Variants in FSTL4 observed in about 807,000 individuals in gnomAD.
FSTL4 encodes follistatin-related protein 4.
In FSTL4, 28 loss-of-function variants were observed where a neutral mutation model predicts 78.2. That is an observed-to-expected ratio of 0.36 (90% confidence interval 0.27 to 0.49). The LOEUF is 0.49. Ranked by LOEUF, FSTL4 falls within the 20% of genes least tolerant of loss-of-function variation. The pLI is 0.98. For missense variants in FSTL4, 922 were observed against 1,084.9 expected (o/e 0.85, Z 2.11); for synonymous variants, 422 against 440.5 (o/e 0.96, Z 0.53).
the FSTL4 span, among the ~76,000 whole-genome samples, chr5:133,686,907 G>A: frequency 3.3e-5 from 5 of 152,330 alleles, no homozygotes; most frequent in South Asian, 2.1e-4. Flanking sequence ...GGAGCAGCCA[G>A]GCATGGAAGA....
At chr5:133,285,927 C>A (rs957774878) in intron 6 of FSTL4, among the ~76,000 whole-genome samples, 1 of 152,224 alleles carries the variant, frequency 6.6e-6, no homozygotes, top group African/African-American at 2.4e-5. Context: ...GCCCAGAGCA[C>A]GAAGTCCTAG....
chr5:133,420,370 G>A (rs948185358), intron 3 of FSTL4, among the ~76,000 whole-genome samples: 17 of 152,294 alleles, frequency 1.1e-4, no homozygotes, highest in African/African-American at 4.1e-4. Context: ...TTAATTGTAT[G>A]TAAATTATAC....
the FSTL4 span, among the ~76,000 whole-genome samples, chr5:133,774,900 C>T: frequency 0.2 from 29,692 of 151,970 alleles, 3,208 homozygotes; most frequent in East Asian, 0.41. Flanking sequence ...AAATCTTGCA[C>T]AAATTCAAAG....
chr5:133,788,226 G>A, the FSTL4 span, among the ~76,000 whole-genome samples: 2 of 152,144 alleles, frequency 1.3e-5, no homozygotes, highest in Non-Finnish European at 2.9e-5. Context: ...TCCAAGCCTG[G>A]GAAGTGCTGC....
At chr5:133,394,001 T>TGCTGA (rs1310372311) in intron 4 of FSTL4, among the ~76,000 whole-genome samples, 10 of 152,198 alleles carry the variant, frequency 6.6e-5, no homozygotes, top group African/African-American at 1.9e-4. Context: ...GGACATGCCT[T>TGCTGA]GCTGAGCCCT....
chr5:133,539,046 T>A (rs1297750463), intron 3 of FSTL4, among the ~76,000 whole-genome samples: 3 of 152,160 alleles, frequency 2.0e-5, no homozygotes, highest in Admixed American at 2.0e-4. Flanking sequence ...CCGTGAGCAA[T>A]CTAGCCGGCA....
the FSTL4 span, among the ~76,000 whole-genome samples, chr5:133,819,030 C>G: frequency 6.9e-6 from 1 of 145,180 alleles, no homozygotes; most frequent in African/African-American, 2.6e-5. Flanking sequence ...GAGATCTGCC[C>G]AGCCGTCCAC....
chr5:133,335,526 G>C (rs1754444728), intron 4 of FSTL4, among the ~76,000 whole-genome samples: 1 of 151,896 alleles, frequency 6.6e-6, no homozygotes, highest in African/African-American at 2.4e-5. Flanking sequence ...GCCACCCCCG[G>C]ACAGGCCCAG....
chr5:133,688,430 G>A, the FSTL4 span, among the ~76,000 whole-genome samples: 8 of 152,254 alleles, frequency 5.3e-5, no homozygotes, highest in South Asian at 1.7e-3. Flanking sequence ...ACAAAAGCAA[G>A]CAACAACAAC....
chr5:133,516,358 A>G (rs1001588380), intron 3 of FSTL4, among the ~76,000 whole-genome samples: 1 of 152,234 alleles, frequency 6.6e-6, no homozygotes, highest in African/African-American at 2.4e-5. Context: ...CACTGTTTAC[A>G]ATATAAATTA....
chr5:133,532,461 G>A (rs1759274700), intron 3 of FSTL4, among the ~76,000 whole-genome samples: 1 of 152,110 alleles, frequency 6.6e-6, no homozygotes, highest in South Asian at 2.1e-4. Context: ...GGTTGTGTAG[G>A]CACACGGCAA....
Position 133,532,610 on chromosome 5 carries a change from G to T in FSTL4, c.160+34576C>A, listed in dbSNP as rs546345613. Among the ~76,000 whole-genome samples the T allele has an allele frequency of 1.4e-4, 22 of 152,172 alleles. No individual in the cohort carries two copies. The South Asian group carries it at 4.6e-3, about 32-fold the overall frequency. Reference sequence around the variant, plus strand: ...TGAGCCACTCATAAACAGGACTCTGGGCGTCAGAACCAGGCCTTATCTACC... The same window carrying T: ...TGAGCCACTCATAAACAGGACTCTGTGCGTCAGAACCAGGCCTTATCTACC... On this transcript the variant is annotated intron_variant, in intron 3 of 15. Transcript: ENST00000265342.
the FSTL4 span, among the ~76,000 whole-genome samples, chr5:133,781,366 T>C: frequency 2.1e-3 from 1 of 466 alleles, no homozygotes; most frequent in Non-Finnish European, 4.2e-3. Context: ...GTTAAGCGGT[T>C]GTGTGTGTGT....
chr5:133,642,156 G>A, the FSTL4 span, among the ~76,000 whole-genome samples: 1 of 152,278 alleles, frequency 6.6e-6, no homozygotes, highest in Admixed American at 6.5e-5. Flanking sequence ...GAGGAAATGG[G>A]ATCAGAGAGG....
Position 133,400,918 on chromosome 5 carries a change from C to T in FSTL4, c.229G>A (p.Val77Met), listed in dbSNP as rs371473849. 9.2e-5 allele frequency: 148 copies of T among 1,613,538 alleles called. No individual in the cohort carries two copies. Among genetic ancestry groups the T allele is most frequent in the Non-Finnish European group, 1.2e-4 (144 of 1,180,014 alleles). The change falls in exon 4 of 16, where the codon GTG becomes ATG. Residue 77 changes from valine to methionine, a missense_variant. Transcript: ENST00000265342. ...GGCTCCCCTGTCTTCCTGCTGAGCA[C>T]GCACCGGCTCCCTCGGCTGCAGAAC... ...KKFCSRGSRC[V>M]LSRKTGEPEC...
At chr5:133,279,633 G>A (rs1032277804) in intron 6 of FSTL4, among the ~76,000 whole-genome samples, 5 of 152,202 alleles carry the variant, frequency 3.3e-5, no homozygotes, top group African/African-American at 9.7e-5. Flanking sequence ...CAGGTGGGGT[G>A]GAGGGGCCAC....
intron 7 of FSTL4, among the ~76,000 whole-genome samples, chr5:133,245,773 C>T (rs540003292): frequency 6.6e-6 from 1 of 152,196 alleles, no homozygotes. Flanking sequence ...CAACATTACT[C>T]GCTGCAAAAT....
intron 6 of FSTL4, among the ~76,000 whole-genome samples, chr5:133,262,293 T>TA (rs1561648310): frequency 6.6e-6 from 1 of 152,188 alleles, no homozygotes; most frequent in East Asian, 1.9e-4. Flanking sequence ...TCAGTAACTT[T>TA]CTCCTGATAA....
chr5:133,762,259 C>A, the FSTL4 span, among the ~76,000 whole-genome samples: 1 of 152,304 alleles, frequency 6.6e-6, no homozygotes, highest in South Asian at 2.1e-4. Flanking sequence ...AGCACCCCAA[C>A]AATGCAAAGA....
Sources: allele counts gnomAD v4.1 joint callset (sites outside exome capture counted in the v4.1 genomes callset), GRCh38; gene constraint gnomAD v4.1.1; transcripts MANE v1.5; gene names NCBI Gene and HGNC (gene_info 2026-07-23, HGNC 2026-07-21).